Variants in SLC6A20 observed in about 807,000 individuals in gnomAD.
SLC6A20 encodes sodium- and chloride-dependent transporter XTRP3.
Under a neutral mutation model 64.3 loss-of-function variants are expected in SLC6A20, and 73 were observed. That is an observed-to-expected ratio of 1.14 (90% CI 0.94 to 1.38). The LOEUF (loss-of-function observed/expected upper bound fraction) is 1.38. SLC6A20 is among the 40% of genes most tolerant of loss of function. The pLI is 0.00. For missense variants in SLC6A20, 725 were observed against 772.8 expected (o/e 0.94, Z 0.73); for synonymous variants, 347 against 329.6 (o/e 1.05, Z -0.57).
intron 3 of SLC6A20, among the ~76,000 whole-genome samples, chr3:45,779,237 G>A (rs1700028057): frequency 6.6e-6 from 1 of 152,240 alleles, no homozygotes; most frequent in Non-Finnish European, 1.5e-5. Context: ...CTGGAAGCAG[G>A]TGGGGGCAGT....
chr3:45,762,731 T>C (rs1699705089), intron 9 of SLC6A20, among the ~76,000 whole-genome samples, 182 bp downstream of exon 9: 1 of 152,160 alleles, frequency 6.6e-6, no homozygotes, highest in African/African-American at 2.4e-5. Flanking sequence ...TGAAGCAAAC[T>C]GAGCATGGAA....
At chr3:45,779,987 T>G in intron 3 of SLC6A20, 22 bp downstream of exon 3, 1 of 1,581,836 alleles carries the variant, frequency 6.3e-7, no homozygotes, top group Non-Finnish European at 8.6e-7. Context: ...ACTCCTGTTC[T>G]GGCACGGGCC....
At chr3:45,780,547 T>C (rs1167009801) in intron 2 of SLC6A20, among the ~76,000 whole-genome samples, 1 of 152,212 alleles carries the variant, frequency 6.6e-6, no homozygotes, top group Non-Finnish European at 1.5e-5. Context: ...TGTCCAGATG[T>C]ACAGTTATGC....
At chr3:45,771,666 G>T (rs754993624) in intron 5 of SLC6A20, 32 of 727,054 alleles carry the variant, frequency 4.4e-5, no homozygotes, top group Non-Finnish European at 5.7e-5. Flanking sequence ...CACCTCCCAG[G>T]GCTAAGGTGC....
At chr3:45,776,763 C>G (rs2125647420) in intron 3 of SLC6A20, among the ~76,000 whole-genome samples, 1 of 152,346 alleles carries the variant, frequency 6.6e-6, no homozygotes, top group East Asian at 1.9e-4. Context: ...TGAGAACAAG[C>G]AGAGGCTGTT....
intron 4 of SLC6A20, among the ~76,000 whole-genome samples, chr3:45,774,483 G>A (rs1040853122): frequency 6.6e-6 from 1 of 152,166 alleles, no homozygotes; most frequent in Non-Finnish European, 1.5e-5. Context: ...AAGCTCTCTC[G>A]GGGAAAGAGC....
chr3:45,773,965 AG>A (rs1699921853), intron 4 of SLC6A20, among the ~76,000 whole-genome samples: 2 of 152,264 alleles, frequency 1.3e-5, no homozygotes, highest in Admixed American at 1.3e-4. Flanking sequence ...CCTTAGGGCC[AG>A]CCCCGAGAAT....
chr3:45,772,438 C>T (rs1214490016), intron 5 of SLC6A20, 67 bp downstream of exon 5: 1 of 1,435,982 alleles, frequency 7.0e-7, no homozygotes, highest in Non-Finnish European at 9.6e-7. Context: ...TCCCTCTTCC[C>T]ACCCATCCTG....
At chr3:45,789,943 TCA>T (rs1700223052) in intron 1 of SLC6A20, among the ~76,000 whole-genome samples, 1 of 152,290 alleles carries the variant, frequency 6.6e-6, no homozygotes, top group Non-Finnish European at 1.5e-5. Flanking sequence ...ACCCCCAAAC[TCA>T]CACCATATGT....
intron 7 of SLC6A20, among the ~76,000 whole-genome samples, chr3:45,766,724 A>G (rs1435126088): frequency 2.6e-5 from 4 of 152,250 alleles, no homozygotes; most frequent in Admixed American, 1.3e-4. Flanking sequence ...AGAACTCTCT[A>G]TTATGTGAGG....
intron 10 of SLC6A20, 32 bp downstream of exon 10, chr3:45,759,825 C>T: frequency 6.3e-7 from 1 of 1,581,676 alleles, no homozygotes; most frequent in South Asian, 1.2e-5. Flanking sequence ...GCCATGGGGG[C>T]CCAGCGCCAG....
At chr3:45,778,575 G>A (rs377392778) in intron 3 of SLC6A20, among the ~76,000 whole-genome samples, 162 of 152,276 alleles carry the variant, frequency 1.1e-3, no homozygotes, top group African/African-American at 3.8e-3. Context: ...TTGCTTTTGG[G>A]GGATGAGCAA....
intron 4 of SLC6A20, among the ~76,000 whole-genome samples, chr3:45,772,951 C>T (rs1559566009): frequency 6.6e-6 from 1 of 152,078 alleles, no homozygotes; most frequent in Non-Finnish European, 1.5e-5. Context: ...ACACATCAGT[C>T]ACGTTAACAT....
At chr3:45,793,935 C>G (rs902605534) in intron 1 of SLC6A20, among the ~76,000 whole-genome samples, 2 of 152,322 alleles carry the variant, frequency 1.3e-5, no homozygotes, top group Non-Finnish European at 2.9e-5. Flanking sequence ...GTCATTTATT[C>G]TGTGGCTTTT....
rs761348847 is a variant in SLC6A20 at position 45,770,210 on chromosome 3, G to T, written c.1097C>A (p.Thr366Lys). 1.9e-6 allele frequency: 3 copies of T among 1,614,056 alleles called. No homozygotes were observed. The highest frequency in any genetic ancestry group is 1.3e-5 in the African/African-American group (1 of 74,920). ...KNCSLESELD[T>K]AVQGTGLAFI... The stretch of plus-strand genomic sequence containing the variant: ...CTTGACCTTGCCTGGGCATCTTACC[G>T]TGTCTAGCTCCGATTCCAAGCTGCA... The change falls in exon 7 of 11, where the codon ACG becomes AAG. Residue 366 changes from threonine to lysine, a missense_variant and splice_region_variant. Thr to Lys is a moderately conservative substitution (Grantham distance 78). Coordinates refer to ENST00000358525, the MANE Select transcript of SLC6A20 (RefSeq NM_020208.4).
chr3:45,782,054 T>C (rs1175572577), intron 2 of SLC6A20, 29 bp downstream of exon 2: 1 of 1,568,012 alleles, frequency 6.4e-7, no homozygotes, highest in Non-Finnish European at 8.6e-7. Context: ...GGTCTCTGGG[T>C]GGGAGAGGAC....
intron 9 of SLC6A20, among the ~76,000 whole-genome samples, chr3:45,761,374 GA>G: frequency 6.6e-6 from 1 of 152,058 alleles, no homozygotes; most frequent in South Asian, 2.1e-4. Context: ...GTCCACCTAC[GA>G]CATCTCCAAG....
intron 9 of SLC6A20, among the ~76,000 whole-genome samples, chr3:45,760,732 C>T (rs1004730855): frequency 1.3e-5 from 2 of 152,234 alleles, no homozygotes; most frequent in Admixed American, 1.3e-4. Context: ...ACTTGACAAA[C>T]TAAGTACGTG....
At chr3:45,759,185 T>G in intron 10 of SLC6A20, 58 bp from the exon 11 acceptor site, 2 of 1,518,412 alleles carry the variant, frequency 1.3e-6, no homozygotes, top group Non-Finnish European at 1.8e-6. Context: ...CCCCTGGGCC[T>G]CAGGGCCCAT....
Sources: allele counts gnomAD v4.1 joint callset (sites outside exome capture counted in the v4.1 genomes callset), GRCh38; gene constraint gnomAD v4.1.1; transcripts MANE v1.5; gene names NCBI Gene and HGNC (gene_info 2026-07-23, HGNC 2026-07-21).